The following CRY1 variants were observed in gnomAD, a reference collection of about 807,000 sequenced individuals.
CRY1 encodes the protein cryptochrome-1.
Under a neutral mutation model 76.0 loss-of-function variants are expected in CRY1, and 45 were observed. The observed-to-expected ratio is 0.59, with a 90% CI of 0.47 to 0.76. The LOEUF (loss-of-function observed/expected upper bound fraction) is 0.76. Ranked by LOEUF, CRY1 falls within the 30% of genes least tolerant of loss-of-function variation. CRY1 has a pLI of 0.00. For missense variants in CRY1, 587 were observed against 716.4 expected, an observed-to-expected ratio of 0.82 and a Z score of 2.06; for synonymous variants, 248 against 244.0, an observed-to-expected ratio of 1.02 and a Z score of -0.15.
chr12:107,076,389 T>C (rs967055182), intron 1 of CRY1, among the ~76,000 whole-genome samples: 3 of 152,206 alleles, frequency 2.0e-5, no homozygotes, highest in South Asian at 2.1e-4. Context: ...GGCAGGCAGA[T>C]TGCTTGAAGT....
At chr12:107,004,917 A>AGG (rs1566243561) in intron 3 of CRY1, among the ~76,000 whole-genome samples, 189 bp downstream of exon 3, 1 of 152,198 alleles carries the variant, frequency 6.6e-6, no homozygotes, top group African/African-American at 2.4e-5. Context: ...TAAAATGCTA[A>AGG]GGATTTGACA....
At chr12:106,998,910 T>G (rs1952266128) in intron 7 of CRY1, among the ~76,000 whole-genome samples, 1 of 151,674 alleles carries the variant, frequency 6.6e-6, no homozygotes, top group Non-Finnish European at 1.5e-5. Flanking sequence ...GGCACAGTGG[T>G]GGGCACCTGT....
At chr12:107,004,116 A>G (rs893617642) in intron 3 of CRY1, among the ~76,000 whole-genome samples, 1 of 152,040 alleles carries the variant, frequency 6.6e-6, no homozygotes, top group South Asian at 2.1e-4. Flanking sequence ...AAACAATTTT[A>G]TGCATAACAC....
chr12:107,083,489 C>A (rs995089615), intron 1 of CRY1, among the ~76,000 whole-genome samples: 2 of 152,154 alleles, frequency 1.3e-5, no homozygotes, highest in African/African-American at 4.8e-5. Context: ...AAAAGCTTAT[C>A]CACACGATCA....
chr12:107,013,743 G>A (rs1388388608), intron 2 of CRY1, among the ~76,000 whole-genome samples: 1 of 152,080 alleles, frequency 6.6e-6, no homozygotes, highest in African/African-American at 2.4e-5. Context: ...AGATCAGCTG[G>A]AAGTATAAAA....
At chr12:107,023,256 T>G (rs1952577262) in intron 1 of CRY1, among the ~76,000 whole-genome samples, 1 of 152,198 alleles carries the variant, frequency 6.6e-6, no homozygotes, top group Admixed American at 6.5e-5. Context: ...AGCAGGGAAA[T>G]GCAAATTCTA....
rs1021548026 is a variant in CRY1, at chr12:107,005,026, C to T, written c.410+80G>A. 4 of 1,372,566 alleles carry T rather than the reference C, an allele frequency of 2.9e-6. No individual in the cohort carries two copies. In the African/African-American group the frequency reaches 5.8e-5, roughly 20 times the overall value. The allele number at this position is 1,372,566 out of a possible 1,614,324, so 85.0% of individuals were successfully genotyped here. On this transcript the variant is annotated intron_variant, in intron 3 of 12. Coordinates refer to ENST00000008527, the MANE Select transcript of CRY1 (RefSeq NM_004075.5). ...TATCTATGTAGTTAATACCACCGAA[C>T]TATATACTTAAAAATGGTTAAGATG...
chr12:107,080,820 T>G (rs1031404044), intron 1 of CRY1, among the ~76,000 whole-genome samples: 83 of 152,130 alleles, frequency 5.5e-4, no homozygotes, highest in African/African-American at 1.9e-3. Context: ...CAGCCACTAT[T>G]AGACATCTTG....
chr12:107,050,095 G>C (rs1163307086), intron 1 of CRY1: 2 of 152,076 alleles, frequency 1.3e-5, no homozygotes, highest in African/African-American at 4.8e-5. Flanking sequence ...GAGACACAAG[G>C]GGAAAGTAAA....
intron 1 of CRY1, among the ~76,000 whole-genome samples, chr12:107,030,334 T>C (rs1952661427): frequency 6.6e-6 from 1 of 152,224 alleles, no homozygotes; most frequent in Non-Finnish European, 1.5e-5. Context: ...GACATTTCCA[T>C]ACCCAGGTAA....
intron 1 of CRY1, among the ~76,000 whole-genome samples, chr12:107,023,913 A>G (rs1458112618): frequency 1.3e-5 from 2 of 152,222 alleles, no homozygotes; most frequent in Non-Finnish European, 2.9e-5. Context: ...TAATAAAATT[A>G]TCTCCAACTA....
intron 2 of CRY1, among the ~76,000 whole-genome samples, chr12:107,011,676 T>C (rs1952445050): frequency 6.6e-6 from 1 of 152,184 alleles, no homozygotes; most frequent in South Asian, 2.1e-4. Context: ...AGTTGGAAGC[T>C]AGCAGAGGTT....
intron 1 of CRY1, among the ~76,000 whole-genome samples, chr12:107,076,444 C>G (rs1172124343): frequency 6.6e-6 from 1 of 151,780 alleles, no homozygotes; most frequent in Non-Finnish European, 1.5e-5. Flanking sequence ...AACTCCATCT[C>G]TACTAAAAAT....
chr12:107,044,368 G>A (rs1432575329), intron 1 of CRY1, among the ~76,000 whole-genome samples: 2 of 152,118 alleles, frequency 1.3e-5, no homozygotes, highest in African/African-American at 4.8e-5. Context: ...CCGCCACAAA[G>A]TTCTACAGCC....
At chr12:107,081,326 T>C (rs1593544139) in intron 1 of CRY1, among the ~76,000 whole-genome samples, 1 of 152,058 alleles carries the variant, frequency 6.6e-6, no homozygotes, top group East Asian at 1.9e-4. Flanking sequence ...CCCTCAACCT[T>C]AGATTTATAA....
chr12:107,048,499 T>A (rs1952875659), intron 1 of CRY1, among the ~76,000 whole-genome samples: 2 of 152,206 alleles, frequency 1.3e-5, no homozygotes, highest in Admixed American at 1.3e-4. Context: ...TAGATTTCCT[T>A]CATATTTGAT....
chr12:107,070,098 G>A (rs1365751784), intron 1 of CRY1, among the ~76,000 whole-genome samples: 2 of 152,072 alleles, frequency 1.3e-5, no homozygotes, highest in Non-Finnish European at 2.9e-5. Context: ...CTACATATGG[G>A]GCTAACCTAT....
At chr12:107,027,793 A>G (rs1488914182) in intron 1 of CRY1, among the ~76,000 whole-genome samples, 2 of 152,146 alleles carry the variant, frequency 1.3e-5, no homozygotes, top group Non-Finnish European at 2.9e-5. Context: ...CGTCACAATG[A>G]CCTACTTACC....
At chr12:107,063,903 T>C (rs910648879) in intron 1 of CRY1, among the ~76,000 whole-genome samples, 1 of 152,164 alleles carries the variant, frequency 6.6e-6, no homozygotes, top group Non-Finnish European at 1.5e-5. Context: ...AGCTGGGTCA[T>C]AGTTCTTAAT....
Sources: gnomAD v4.1 joint callset for allele counts (sites outside exome capture counted in the v4.1 genomes callset) on GRCh38, gnomAD v4.1.1 for gene constraint, MANE v1.5 for transcripts, NCBI Gene and HGNC (gene_info 2026-07-23, HGNC 2026-07-21) for gene names.